MATCAP2: variants seen among roughly 807,000 people sequenced by gnomAD.
MATCAP2 encodes the protein putative tyrosine carboxypeptidase MATCAP2.
At chr7:36,332,288 A>G in the MATCAP2 span, among the ~76,000 whole-genome samples, 1 of 152,206 alleles carries the variant, frequency 6.6e-6, no homozygotes, top group Non-Finnish European at 1.5e-5. Context: ...ATGCCCTTGA[A>G]AAAAAGAGTA....
the MATCAP2 span, among the ~76,000 whole-genome samples, chr7:36,379,204 C>T: frequency 0.24 from 36,494 of 152,056 alleles, 5,155 homozygotes; most frequent in South Asian, 0.36. Flanking sequence ...AGCTGCAGAC[C>T]GGAGCTGTTC....
the MATCAP2 span, among the ~76,000 whole-genome samples, chr7:36,345,107 C>T: frequency 5.3e-5 from 8 of 152,260 alleles, no homozygotes; most frequent in Non-Finnish European, 1.0e-4. Context: ...AATAGTATAA[C>T]GGAATCTACT....
the MATCAP2 span, chr7:36,390,139 G>A: frequency 4.4e-6 from 7 of 1,596,266 alleles, no homozygotes; most frequent in African/African-American, 9.4e-5. Context: ...CCCACCGGGC[G>A]GAGGGCGCGT....
the MATCAP2 span, among the ~76,000 whole-genome samples, chr7:36,360,344 C>A: frequency 1.3e-5 from 2 of 152,080 alleles, no homozygotes; most frequent in Admixed American, 1.3e-4. Flanking sequence ...TCAAAATACT[C>A]AAGGAGGAAT....
At chr7:36,358,104 A>C in the MATCAP2 span, among the ~76,000 whole-genome samples, 1 of 152,068 alleles carries the variant, frequency 6.6e-6, no homozygotes, top group African/African-American at 2.4e-5. Context: ...AGGCTGAGGC[A>C]TGAGAATTGC....
the MATCAP2 span, chr7:36,366,803 G>C: frequency 6.5e-7 from 1 of 1,529,898 alleles, no homozygotes; most frequent in Non-Finnish European, 8.7e-7. Context: ...CGGGGCGCAG[G>C]GTGGAGTCCC....
the MATCAP2 span, among the ~76,000 whole-genome samples, chr7:36,372,666 T>C: frequency 1.3e-5 from 2 of 152,208 alleles, no homozygotes; most frequent in Non-Finnish European, 2.9e-5. Flanking sequence ...ATACTGCTCT[T>C]TATTATATTT....
the MATCAP2 span, among the ~76,000 whole-genome samples, chr7:36,327,508 G>C: frequency 6.6e-6 from 1 of 152,146 alleles, no homozygotes; most frequent in Admixed American, 6.5e-5. Context: ...CTAAAAATTA[G>C]ACAGCCATAC....
chr7:36,336,300 G>A, the MATCAP2 span: 2 of 1,510,016 alleles, frequency 1.3e-6, no homozygotes, highest in Admixed American at 2.0e-5. Flanking sequence ...TTGATAGACT[G>A]TAAAAGAAAG....
the MATCAP2 span, among the ~76,000 whole-genome samples, chr7:36,352,768 G>A: frequency 6.6e-6 from 1 of 151,440 alleles, no homozygotes; most frequent in Non-Finnish European, 1.5e-5. Flanking sequence ...GGAGGCTGAG[G>A]CTGCAGTGAG....
At chr7:36,356,890 A>G in the MATCAP2 span, 263 of 1,607,140 alleles carry the variant, frequency 1.6e-4, 1 homozygote, top group African/African-American at 3.1e-3. Context: ...CACTATTGAA[A>G]TGGCATTTTA....
chr7:36,333,517 AATTAT>A, the MATCAP2 span, among the ~76,000 whole-genome samples: 3 of 152,102 alleles, frequency 2.0e-5, no homozygotes, highest in Non-Finnish European at 4.4e-5. Flanking sequence ...ATGGCATGTG[AATTAT>A]ATCTCAGTAT....
the MATCAP2 span, among the ~76,000 whole-genome samples, chr7:36,328,454 A>C: frequency 6.6e-6 from 1 of 152,100 alleles, no homozygotes; most frequent in Non-Finnish European, 1.5e-5. Flanking sequence ...CTTTAGGAAA[A>C]GAACTCAGCC....
At chr7:36,330,060 A>AT in the MATCAP2 span, among the ~76,000 whole-genome samples, 37 of 4,626 alleles carry the variant, frequency 8.0e-3, no homozygotes, top group East Asian at 0.34. Flanking sequence ...TTTTATTTTT[A>AT]TTTTATTTTA....
the MATCAP2 span, among the ~76,000 whole-genome samples, chr7:36,328,998 G>A: frequency 1.3e-5 from 2 of 151,916 alleles, no homozygotes; most frequent in South Asian, 2.1e-4. Flanking sequence ...AGCCAAGATC[G>A]CGCCATTGCA....
chr7:36,346,397 TA>T, the MATCAP2 span, among the ~76,000 whole-genome samples: 302 of 151,988 alleles, frequency 2.0e-3, 5 homozygotes, highest in South Asian at 0.024. Context: ...TATCAAATTA[TA>T]AAAAAAATAG....
chr7:36,370,316 T>C, the MATCAP2 span, among the ~76,000 whole-genome samples: 1 of 152,212 alleles, frequency 6.6e-6, no homozygotes, highest in African/African-American at 2.4e-5. Context: ...CAATGAACAA[T>C]CTCATCTTTC....
At chr7:36,356,767 A>G in the MATCAP2 span, 3 of 759,166 alleles carry the variant, frequency 4.0e-6, no homozygotes, top group East Asian at 2.7e-5. Flanking sequence ...GCACATTTAC[A>G]TGTCCTGAGT....
chr7:36,326,611 T>C, the MATCAP2 span: 1 of 594,720 alleles, frequency 1.7e-6, no homozygotes, highest in Non-Finnish European at 2.8e-6. Context: ...GATCTGTACT[T>C]AACCTAAAAA....
Sources: gnomAD v4.1 joint callset for allele counts (sites outside exome capture counted in the v4.1 genomes callset) on GRCh38, gnomAD v4.1.1 for gene constraint, MANE v1.5 for transcripts, NCBI Gene and HGNC (gene_info 2026-07-23, HGNC 2026-07-21) for gene names.